IFT81: variants seen among roughly 807,000 people sequenced by gnomAD.
IFT81 encodes intraflagellar transport 81.
Under a neutral mutation model 102.6 loss-of-function variants are expected in IFT81, and 72 were observed. That is an observed-to-expected ratio of 0.70 (90% CI 0.58 to 0.85). The LOEUF (loss-of-function observed/expected upper bound fraction) is 0.85. Among genes scored for constraint, IFT81 ranks in the 40% least tolerant of loss-of-function variants. The pLI is 0.00. For synonymous variants in IFT81, 237 were observed against 242.7 expected, an observed-to-expected ratio of 0.98 and a Z score of 0.22; for missense variants, 723 against 787.3, an observed-to-expected ratio of 0.92 and a Z score of 0.98.
At chr12:110,197,952 T>C (rs1021916603) in intron 14 of IFT81, among the ~76,000 whole-genome samples, 7 of 152,166 alleles carry the variant, frequency 4.6e-5, no homozygotes, top group Non-Finnish European at 1.0e-4. Flanking sequence ...CCTTAGGTGA[T>C]CCGCCCGCCT....
At chr12:110,138,728 C>T (rs1457987965) in intron 8 of IFT81, among the ~76,000 whole-genome samples, 2 of 152,108 alleles carry the variant, frequency 1.3e-5, no homozygotes, top group African/African-American at 2.4e-5. Flanking sequence ...CCACTGGGCC[C>T]GGCTGAGGCT....
chr12:110,192,746 A>G, intron 14 of IFT81, 40 bp downstream of exon 14: 1 of 1,128,310 alleles, frequency 8.9e-7, no homozygotes, highest in Admixed American at 2.0e-5. Flanking sequence ...ATTTTATGAT[A>G]CTTTTAGTAT....
At chr12:110,166,379 A>AT (rs1371817895) in intron 11 of IFT81, among the ~76,000 whole-genome samples, 1 of 152,168 alleles carries the variant, frequency 6.6e-6, no homozygotes, top group Non-Finnish European at 1.5e-5. Context: ...ATTAATGAGA[A>AT]TAATTCTAGC....
In IFT81 at chr12:110,210,687, C is replaced by T. The variant is rs190335658; in HGVS notation, c.1848+1471C>T. On this transcript the variant is annotated intron_variant, in intron 18 of 18. Transcript: ENST00000242591. Reference sequence around the variant, plus strand: ...CTGGGGAGGCAATGCTGCAGTGAGCCGAGATCATGCCACTGCACTCCAGCC... The same window carrying T: ...CTGGGGAGGCAATGCTGCAGTGAGCTGAGATCATGCCACTGCACTCCAGCC... 6.9e-3 allele frequency among the ~76,000 whole-genome samples: 1,038 copies of T among 149,640 alleles called. 1 individual carries two copies. The highest frequency in any genetic ancestry group is 9.5e-3 in the Non-Finnish European group (644 of 67,470).
At chr12:110,158,586 T>C (rs572297446) in intron 10 of IFT81, among the ~76,000 whole-genome samples, 1 of 151,768 alleles carries the variant, frequency 6.6e-6, no homozygotes, top group African/African-American at 2.4e-5. Flanking sequence ...TTGTATGCTT[T>C]GTGATTTTTT....
intron 18 of IFT81, among the ~76,000 whole-genome samples, chr12:110,210,049 C>T: frequency 6.6e-6 from 1 of 152,136 alleles, no homozygotes; most frequent in Middle Eastern, 3.2e-3. Flanking sequence ...ATAGCCTTGA[C>T]CATCAGGACT....
intron 14 of IFT81, among the ~76,000 whole-genome samples, chr12:110,199,296 A>G (rs1898154406): frequency 6.6e-6 from 1 of 152,024 alleles, no homozygotes. Context: ...TGGGACTGTG[A>G]GCTTTCATTA....
chr12:110,168,394 A>T, intron 11 of IFT81: 1 of 415,222 alleles, frequency 2.4e-6, no homozygotes, highest in Non-Finnish European at 3.2e-6. Flanking sequence ...CACTGTGCTT[A>T]AACAAAATGC....
At chr12:110,168,577 T>C (rs968134289) in intron 11 of IFT81, 6 of 346,086 alleles carry the variant, frequency 1.7e-5, no homozygotes, top group Admixed American at 1.3e-4. Context: ...TATTATTTTA[T>C]ATTTTTGACT....
At chr12:110,196,038 C>T (rs754877807) in intron 14 of IFT81, among the ~76,000 whole-genome samples, 2 of 152,080 alleles carry the variant, frequency 1.3e-5, no homozygotes, top group Non-Finnish European at 2.9e-5. Flanking sequence ...CTTATAAAAG[C>T]GGTGTTCTAA....
At chr12:110,203,312 T>G (rs1898395949) in intron 14 of IFT81, 1 of 153,566 alleles carries the variant, frequency 6.5e-6, no homozygotes, top group African/African-American at 2.4e-5. Flanking sequence ...CATAGTAAAC[T>G]ACTTATAAGT....
chr12:110,200,759 A>C (rs1308449798), intron 14 of IFT81, among the ~76,000 whole-genome samples: 1 of 151,992 alleles, frequency 6.6e-6, no homozygotes, highest in Non-Finnish European at 1.5e-5. Flanking sequence ...ACCAGCCTGG[A>C]CAACATAGTG....
chr12:110,201,350 C>T (rs989091830), intron 14 of IFT81, among the ~76,000 whole-genome samples: 2 of 149,722 alleles, frequency 1.3e-5, no homozygotes, highest in East Asian at 3.9e-4. Context: ...TGTAGTGAGC[C>T]AAGATCGTAC....
At chr12:110,125,530 G>A (rs991798882) in intron 1 of IFT81, among the ~76,000 whole-genome samples, 2 of 152,118 alleles carry the variant, frequency 1.3e-5, no homozygotes, top group Non-Finnish European at 2.9e-5. Context: ...AAGTAGCTGG[G>A]ACTACCGGCG....
chr12:110,155,755 G>A lies in IFT81; in HGVS notation c.1042-7164G>A, dbSNP rs78300052. On this transcript the variant is annotated intron_variant, in intron 10 of 18. Transcript: ENST00000242591. ...ATGCATTGTAGCTTTTTTGTTCCTC[G>A]TTTCCTGCTTTACTGTCTTTTGTGT... 9.5e-3 allele frequency among the ~76,000 whole-genome samples: 1,446 copies of A among 151,790 alleles called. 4 individuals carry two copies. Among genetic ancestry groups the A allele is most frequent in the African/African-American group, 0.011 (439 of 41,364 alleles).
intron 18 of IFT81, among the ~76,000 whole-genome samples, chr12:110,211,486 T>A (rs552461408): frequency 6.6e-6 from 1 of 152,234 alleles, no homozygotes; most frequent in African/African-American, 2.4e-5. Context: ...CCACCTCGTC[T>A]GGCCTTAGTT....
intron 18 of IFT81, among the ~76,000 whole-genome samples, chr12:110,214,498 T>C (rs1423127400): frequency 6.6e-6 from 1 of 152,168 alleles, no homozygotes; most frequent in Non-Finnish European, 1.5e-5. Flanking sequence ...TGGACATCCA[T>C]AGACCTCCTC....
chr12:110,218,191 A>T lies in IFT81; in HGVS notation c.1996A>T (p.Ile666Phe), dbSNP rs892365736. ...AAGCCAAACTTCCATTGGTCAGGTA[A>T]TTCAGGAGGGTGGGGAGGACCGGCT... The part of the protein sequence containing the change: ...QQSQTSIGQV[I>F]QEGGEDRLIL The change falls in exon 19 of 19, where the codon ATT becomes TTT. Residue 666 changes from isoleucine (I) to phenylalanine (F), a missense_variant. Physicochemically the swap from Ile to Phe is conservative, Grantham distance 21. Transcript: ENST00000242591. The T allele has an allele frequency of 3.2e-6, 5 of 1,575,986 alleles. No individual in the cohort carries two copies. The highest frequency in any genetic ancestry group is 4.3e-6 in the Non-Finnish European group (5 of 1,167,408).
chr12:110,192,626 CTG>C lies in IFT81; in HGVS notation c.1479_1480del (p.Tyr494PhefsTer5). 6.5e-7 allele frequency: 1 copy of C among 1,549,342 alleles called. No individual in the cohort carries two copies. The highest frequency in any genetic ancestry group is 1.2e-5 in the South Asian group (1 of 81,536). On this transcript the variant is annotated frameshift_variant, in exon 14 of 19. Coordinates refer to ENST00000242591, the MANE Select transcript of IFT81 (RefSeq NM_014055.4). LOFTEE classifies it high-confidence loss of function. Reference protein sequence around the residue: ...LDDMSEMVKKLYSLVSEKKSA... With the variant: ...LDDMSEMVKKXYSLVSEKKSA... ...TTTGTTCAAATAACAGGTGAAAAAA[CTG>C]TATTCATTGGTATCTGAAAAGAAGT...
Sources: allele counts gnomAD v4.1 joint callset (sites outside exome capture counted in the v4.1 genomes callset), GRCh38; gene constraint gnomAD v4.1.1; transcripts MANE v1.5; gene names NCBI Gene and HGNC (gene_info 2026-07-23, HGNC 2026-07-21).